The following TTC29 variants were observed in gnomAD, a reference collection of about 807,000 sequenced individuals.
TTC29 encodes the protein tetratricopeptide repeat domain 29.
In TTC29, 49 loss-of-function variants were observed where a neutral mutation model predicts 58.1. The ratio of observed to expected loss-of-function variants is 0.84; its 90% CI spans 0.67 to 1.07. The LOEUF is 1.07. TTC29 is among the 50% of genes least tolerant of loss of function. The pLI is 0.00. For missense variants in TTC29, 582 were observed against 555.6 expected, an observed-to-expected ratio of 1.05 and a Z score of -0.48; for synonymous variants, 209 against 196.8, an observed-to-expected ratio of 1.06 and a Z score of -0.52.
At chr4:146,876,128 T>C (rs948011738) in intron 6 of TTC29, among the ~76,000 whole-genome samples, 2 of 152,200 alleles carry the variant, frequency 1.3e-5, no homozygotes, top group Non-Finnish European at 1.5e-5. Flanking sequence ...ATTACTACTC[T>C]CTCTGTGCCT....
chr4:146,716,377 T>C (rs1363828877), intron 11 of TTC29, among the ~76,000 whole-genome samples: 1 of 152,198 alleles, frequency 6.6e-6, no homozygotes, highest in African/African-American at 2.4e-5. Flanking sequence ...GTTCTTTTCA[T>C]ATTCTCTGTA....
At chr4:146,871,915 A>G (rs1345331018) in intron 7 of TTC29, among the ~76,000 whole-genome samples, 1 of 152,030 alleles carries the variant, frequency 6.6e-6, no homozygotes, top group Non-Finnish European at 1.5e-5. Context: ...TAAAATTCAC[A>G]TGGAAATGCA....
intron 11 of TTC29, among the ~76,000 whole-genome samples, chr4:146,775,460 G>C (rs1748018625): frequency 6.6e-6 from 1 of 151,874 alleles, no homozygotes; most frequent in South Asian, 2.1e-4. Context: ...AATTCCCTTG[G>C]CATTTGCTTG....
At chr4:146,737,592 G>GGGT (rs1561074935) in intron 11 of TTC29, among the ~76,000 whole-genome samples, 1 of 82,864 alleles carries the variant, frequency 1.2e-5, no homozygotes, top group East Asian at 5.0e-4. Flanking sequence ...AGTAGCCCTG[G>GGGT]GGGGGGGGGG....
intron 8 of TTC29, among the ~76,000 whole-genome samples, chr4:146,836,592 T>C (rs1013433598): frequency 2.6e-5 from 4 of 151,996 alleles, no homozygotes; most frequent in African/African-American, 9.7e-5. Context: ...AGCATTAAAA[T>C]GAGTGGAAAA....
intron 6 of TTC29, among the ~76,000 whole-genome samples, chr4:146,875,738 T>C (rs1455777807): frequency 6.6e-6 from 1 of 152,224 alleles, no homozygotes; most frequent in Non-Finnish European, 1.5e-5. Context: ...TGTTTAGTTT[T>C]GGATAATTAG....
intron 11 of TTC29, among the ~76,000 whole-genome samples, chr4:146,802,441 C>A (rs1007521651): frequency 6.6e-6 from 1 of 152,126 alleles, no homozygotes; most frequent in Non-Finnish European, 1.5e-5. Flanking sequence ...ATCTTGTTTT[C>A]TCTTACTATG....
chr4:146,912,510 T>G (rs898226013), intron 4 of TTC29, among the ~76,000 whole-genome samples: 1 of 151,820 alleles, frequency 6.6e-6, no homozygotes, highest in African/African-American at 2.4e-5. Context: ...GAAAATAGGG[T>G]GAGGGGAAGA....
intron 10 of TTC29, among the ~76,000 whole-genome samples, chr4:146,815,470 G>A (rs771842617): frequency 1.3e-5 from 2 of 152,124 alleles, no homozygotes; most frequent in Non-Finnish European, 2.9e-5. Context: ...TCTGGGTGGA[G>A]GTGCTAAAGA....
At chr4:146,846,385 G>A (rs536744500) in intron 8 of TTC29, among the ~76,000 whole-genome samples, 8 of 152,216 alleles carry the variant, frequency 5.3e-5, no homozygotes, top group African/African-American at 1.7e-4. Context: ...ACTGAACCAC[G>A]TTACAATAGT....
chr4:146,761,365 G>A (rs1746885726), intron 11 of TTC29, among the ~76,000 whole-genome samples: 2 of 151,776 alleles, frequency 1.3e-5, no homozygotes, highest in Admixed American at 1.3e-4. Flanking sequence ...ATTAGAGTGG[G>A]TCAATTAAAG....
chr4:146,931,277 G>A (rs1331947375), intron 4 of TTC29, among the ~76,000 whole-genome samples: 2 of 152,010 alleles, frequency 1.3e-5, no homozygotes, highest in South Asian at 2.1e-4. Context: ...TACTTAGTAC[G>A]AAGCAAAAGA....
chr4:146,843,520 A>C (rs1404384444), intron 8 of TTC29, among the ~76,000 whole-genome samples: 1 of 152,132 alleles, frequency 6.6e-6, no homozygotes, highest in African/African-American at 2.4e-5. Flanking sequence ...TGTATGGTCA[A>C]GGGCGGGAAG....
At chr4:146,848,124 C>T (rs1377475507) in intron 8 of TTC29, among the ~76,000 whole-genome samples, 1 of 152,174 alleles carries the variant, frequency 6.6e-6, no homozygotes, top group African/African-American at 2.4e-5. Context: ...GAAATAGATG[C>T]TGCTTAGAAT....
chr4:146,939,080 C>T (rs906935968), intron 3 of TTC29, among the ~76,000 whole-genome samples: 1 of 152,138 alleles, frequency 6.6e-6, no homozygotes, highest in Non-Finnish European at 1.5e-5. Context: ...TTCTTGCCTG[C>T]CAATCTACCC....
At chr4:146,808,413 TAA>T (rs1221692648) in intron 10 of TTC29, among the ~76,000 whole-genome samples, 2 of 152,176 alleles carry the variant, frequency 1.3e-5, no homozygotes, top group African/African-American at 4.8e-5. Flanking sequence ...GAGGAATAAA[TAA>T]AGAGTATTTG....
chr4:146,780,377 A>G (rs1199065009), intron 11 of TTC29, among the ~76,000 whole-genome samples: 1 of 147,634 alleles, frequency 6.8e-6, no homozygotes, highest in East Asian at 2.0e-4. Flanking sequence ...CACTCTCTCC[A>G]TTGTAAATGT....
intron 5 of TTC29, among the ~76,000 whole-genome samples, chr4:146,907,283 C>T (rs1008504889): frequency 6.6e-6 from 1 of 152,120 alleles, no homozygotes; most frequent in Non-Finnish European, 1.5e-5. Context: ...AGCTTTATGA[C>T]AAGCTGGCTC....
chr4:146,913,474 G>C (rs1490422296), intron 4 of TTC29, among the ~76,000 whole-genome samples: 1 of 151,936 alleles, frequency 6.6e-6, no homozygotes, highest in Non-Finnish European at 1.5e-5. Context: ...ATCCCACGTT[G>C]TGTGTAGTCT....
Sources: gnomAD v4.1 joint callset for allele counts (sites outside exome capture counted in the v4.1 genomes callset) on GRCh38, gnomAD v4.1.1 for gene constraint, MANE v1.5 for transcripts, NCBI Gene and HGNC (gene_info 2026-07-23, HGNC 2026-07-21) for gene names.